Variants in EHBP1 observed in about 807,000 individuals in gnomAD.
EHBP1 encodes the protein EH domain binding protein 1.
A neutral mutation model predicts 144.0 loss-of-function variants in EHBP1; 55 were observed. The ratio of observed to expected loss-of-function variants is 0.38; its 90% CI spans 0.31 to 0.48. The LOEUF (loss-of-function observed/expected upper bound fraction) is 0.48. Among genes scored for constraint, EHBP1 ranks in the 20% least tolerant of loss-of-function variants. The probability of loss-of-function intolerance (pLI) is 0.98; values close to 1 mark genes in which losing one functional copy is unlikely to be tolerated. For missense variants in EHBP1, 1,200 were observed against 1,364.2 expected (o/e 0.88, Z 1.90); for synonymous variants, 469 against 472.7 (o/e 0.99, Z 0.10).
chr2:62,990,115 A>G (rs1248780302), intron 15 of EHBP1, among the ~76,000 whole-genome samples: 1 of 152,142 alleles, frequency 6.6e-6, no homozygotes, highest in Non-Finnish European at 1.5e-5. Flanking sequence ...ATTAATGTAC[A>G]TTAATACATT....
chr2:62,773,876 A>G (rs2041863891), intron 5 of EHBP1, among the ~76,000 whole-genome samples: 1 of 145,386 alleles, frequency 6.9e-6, no homozygotes. Context: ...AAAAAAAAAA[A>G]AAAAAAAAAG....
chr2:62,766,929 A>C (rs2041234722), intron 4 of EHBP1, among the ~76,000 whole-genome samples: 2 of 151,020 alleles, frequency 1.3e-5, no homozygotes, highest in Non-Finnish European at 2.9e-5. Context: ...AATATTTCTC[A>C]AATAAATGCT....
chr2:63,012,595 T>G (rs1280045475), intron 19 of EHBP1, among the ~76,000 whole-genome samples: 1 of 152,178 alleles, frequency 6.6e-6, no homozygotes, highest in Non-Finnish European at 1.5e-5. Context: ...TCTCAAAATG[T>G]GTGTGCCATA....
intron 18 of EHBP1, 25 bp downstream of exon 18, chr2:62,994,002 C>A: frequency 6.8e-7 from 1 of 1,468,570 alleles, no homozygotes; most frequent in Non-Finnish European, 9.3e-7. Flanking sequence ...TGTGTGGTTT[C>A]ATGATTGCTG....
At chr2:62,922,990 C>G (rs2055205670) in intron 10 of EHBP1, among the ~76,000 whole-genome samples, 1 of 152,180 alleles carries the variant, frequency 6.6e-6, no homozygotes, top group African/African-American at 2.4e-5. Flanking sequence ...CTGCATTGCC[C>G]CAGTTAAGAG....
At chr2:62,695,372 A>G (rs1237953911) in intron 1 of EHBP1, among the ~76,000 whole-genome samples, 1 of 152,204 alleles carries the variant, frequency 6.6e-6, no homozygotes, top group African/African-American at 2.4e-5. Context: ...AAAAGAGAAA[A>G]AAAAAGTCAA....
Position 62,812,283 on chromosome 2 carries a change from C to CAA in EHBP1, c.313-13796_313-13795dup, listed in dbSNP as rs199629035. 7.4e-5 allele frequency among the ~76,000 whole-genome samples: 11 copies of CAA among 148,948 alleles called. No homozygotes were observed. The South Asian group carries it at 2.4e-3, about 32-fold the overall frequency. On this transcript the variant is annotated intron_variant, in intron 5 of 22. Coordinates refer to ENST00000431489, the MANE Select transcript of EHBP1 (RefSeq NM_001142616.3). Reference sequence around the variant, plus strand: ...CTCTCTGATACTCTTGTTACAGCAGCAAAAAAAAATGGACTAAGACAGAAA... The same window carrying CAA: ...CTCTCTGATACTCTTGTTACAGCAGCAAAAAAAAAAATGGACTAAGACAGAAA...
At chr2:62,783,072 C>CA (rs2042555204) in intron 5 of EHBP1, among the ~76,000 whole-genome samples, 1 of 152,126 alleles carries the variant, frequency 6.6e-6, no homozygotes, top group African/African-American at 2.4e-5. Context: ...GGATACAGGC[C>CA]ATATGCAAGT....
intron 2 of EHBP1, among the ~76,000 whole-genome samples, chr2:62,737,570 T>C (rs1186702757): frequency 6.6e-6 from 1 of 152,238 alleles, no homozygotes; most frequent in African/African-American, 2.4e-5. Flanking sequence ...ATTTCTGTTA[T>C]GGATCTAAGA....
At chr2:62,719,722 G>A (rs546672085) in intron 2 of EHBP1, among the ~76,000 whole-genome samples, 5 of 152,296 alleles carry the variant, frequency 3.3e-5, no homozygotes, top group African/African-American at 7.2e-5. Context: ...TATTTACATA[G>A]CATTTACATT....
intron 5 of EHBP1, among the ~76,000 whole-genome samples, chr2:62,799,003 C>CAA (rs757731955): frequency 0.14 from 10,517 of 75,610 alleles, 859 homozygotes; most frequent in East Asian, 0.21. Flanking sequence ...GACTCCGTCT[C>CAA]AAAAAAAAAA....
intron 8 of EHBP1, among the ~76,000 whole-genome samples, chr2:62,860,321 C>G (rs1216331337): frequency 6.6e-6 from 1 of 152,096 alleles, no homozygotes; most frequent in Non-Finnish European, 1.5e-5. Flanking sequence ...GAAACCCCGT[C>G]TCTACTAAAA....
intron 2 of EHBP1, among the ~76,000 whole-genome samples, chr2:62,729,340 A>G (rs1292263828): frequency 7.8e-5 from 10 of 128,414 alleles, no homozygotes; most frequent in Non-Finnish European, 1.6e-4. Flanking sequence ...TATAATATAT[A>G]TAATATATAT....
At chr2:62,801,223 G>A (rs1297460259) in intron 5 of EHBP1, among the ~76,000 whole-genome samples, 1 of 152,198 alleles carries the variant, frequency 6.6e-6, no homozygotes, top group Non-Finnish European at 1.5e-5. Context: ...AATTACCGAT[G>A]TCTCAAGTGT....
rs201414405 is a variant in EHBP1, at chr2:63,001,562, ATGC to A, written c.3103+4798_3103+4800del. On this transcript the variant is annotated intron_variant, in intron 19 of 22. Coordinates refer to ENST00000431489, the MANE Select transcript of EHBP1 (RefSeq NM_001142616.3). ...GACAGTAATGGCCAATATTTTTTGC[ATGC>A]TTATTAGATATTTGGCTCTGTGGAA... 8.4e-3 allele frequency among the ~76,000 whole-genome samples: 1,281 copies of A among 152,284 alleles called. 10 individuals carry two copies. Among genetic ancestry groups the A allele is most frequent in the Middle Eastern group, 0.014 (4 of 294 alleles).
chr2:62,854,301 T>C (rs1422918821), intron 7 of EHBP1, among the ~76,000 whole-genome samples: 1 of 152,248 alleles, frequency 6.6e-6, no homozygotes. Context: ...TTTAAAAGTT[T>C]CATGTGTTCA....
Position 62,891,613 on chromosome 2 carries a change from A to G in EHBP1, c.1185+17081A>G, listed in dbSNP as rs555848822. ...AACTGGCTTATATACAGAGAGTCAG[A>G]CTACTGTGGGACATGTAAACGCTTC... On this transcript the variant is annotated intron_variant, in intron 10 of 22. Coordinates refer to ENST00000431489, the MANE Select transcript of EHBP1 (RefSeq NM_001142616.3). 3.9e-5 allele frequency among the ~76,000 whole-genome samples: 6 copies of G among 152,268 alleles called. No individual in the cohort carries two copies. The South Asian group carries it at 1.2e-3, about 32-fold the overall frequency.
At chr2:62,884,278 T>G (rs974970546) in intron 10 of EHBP1, among the ~76,000 whole-genome samples, 26 of 152,190 alleles carry the variant, frequency 1.7e-4, no homozygotes, top group African/African-American at 6.3e-4. Context: ...TACATGTACT[T>G]TTGTTTTTGT....
chr2:62,888,292 A>T (rs1181934427), intron 10 of EHBP1, among the ~76,000 whole-genome samples: 2 of 152,208 alleles, frequency 1.3e-5, no homozygotes, highest in Non-Finnish European at 2.9e-5. Flanking sequence ...TGTAAACTCA[A>T]AGAACCAGTA....
Sources: allele counts gnomAD v4.1 joint callset (sites outside exome capture counted in the v4.1 genomes callset), GRCh38; gene constraint gnomAD v4.1.1; transcripts MANE v1.5; gene names NCBI Gene and HGNC (gene_info 2026-07-23, HGNC 2026-07-21).